EXOC4: variants seen among roughly 807,000 people sequenced by gnomAD.
EXOC4 encodes the protein SEC8-like 1.
EXOC4 carries 71 observed loss-of-function variants against 107.2 expected under a neutral mutation model. The observed-to-expected ratio is 0.66, with a 90% confidence interval of 0.55 to 0.81. The LOEUF is 0.81. Ranked by LOEUF, EXOC4 falls within the 30% of genes least tolerant of loss-of-function variation. The pLI is 0.00. For missense variants in EXOC4, 1,108 were observed against 1,189.6 expected (o/e 0.93, Z 1.01); for synonymous variants, 456 against 441.2 (o/e 1.03, Z -0.42).
At chr7:133,707,640 G>T (rs1276797265) in intron 10 of EXOC4, among the ~76,000 whole-genome samples, 17 of 151,420 alleles carry the variant, frequency 1.1e-4, no homozygotes, top group Admixed American at 6.6e-4. Context: ...TTTTGAGATG[G>T]AGCCTCACTC....
intron 5 of EXOC4, among the ~76,000 whole-genome samples, chr7:133,339,606 T>G (rs759328007): frequency 6.6e-6 from 1 of 152,196 alleles, no homozygotes; most frequent in Non-Finnish European, 1.5e-5. Context: ...TGCCATATGG[T>G]CATTTTCACA....
At chr7:133,407,606 G>A (rs1797252265) in intron 7 of EXOC4, among the ~76,000 whole-genome samples, 1 of 151,998 alleles carries the variant, frequency 6.6e-6, no homozygotes, top group African/African-American at 2.4e-5. Flanking sequence ...AGCAACCTTG[G>A]GTAAGATAAG....
intron 11 of EXOC4, among the ~76,000 whole-genome samples, chr7:133,860,661 C>T (rs999452856): frequency 2.6e-5 from 4 of 152,194 alleles, no homozygotes; most frequent in African/African-American, 9.7e-5. Context: ...AGCCAACACA[C>T]ACAAAACTGC....
intron 11 of EXOC4, among the ~76,000 whole-genome samples, chr7:133,845,762 T>C (rs934348879): frequency 6.6e-6 from 1 of 152,180 alleles, no homozygotes; most frequent in Non-Finnish European, 1.5e-5. Flanking sequence ...CTTTGCTTAC[T>C]TTCACAGATT....
intron 5 of EXOC4, among the ~76,000 whole-genome samples, chr7:133,328,036 G>A (rs757889207): frequency 8.5e-5 from 13 of 152,120 alleles, no homozygotes; most frequent in Non-Finnish European, 1.8e-4. Context: ...TTACAGTGGG[G>A]TGTTAAAAAG....
intron 11 of EXOC4, among the ~76,000 whole-genome samples, chr7:133,834,542 C>T (rs931385336): frequency 5.9e-5 from 9 of 152,306 alleles, no homozygotes; most frequent in East Asian, 3.9e-4. Context: ...CACCCCTCTG[C>T]GCAGAAGTAA....
chr7:134,076,703 TTG>T, the EXOC4 span, among the ~76,000 whole-genome samples: 6 of 102,402 alleles, frequency 5.9e-5, no homozygotes, highest in African/African-American at 1.7e-4. Context: ...TCATCTATAA[TTG>T]TATATATATA....
chr7:133,748,804 C>T (rs1795730379), intron 10 of EXOC4, among the ~76,000 whole-genome samples: 2 of 152,146 alleles, frequency 1.3e-5, no homozygotes. Context: ...TAGCATAAAC[C>T]AAAATTTCAG....
At chr7:133,620,690 A>G (rs2151005595) in intron 9 of EXOC4, among the ~76,000 whole-genome samples, 1 of 152,268 alleles carries the variant, frequency 6.6e-6, no homozygotes, top group African/African-American at 2.4e-5. Context: ...ATGCTTAGTG[A>G]AAAAAGAATG....
intron 13 of EXOC4, among the ~76,000 whole-genome samples, chr7:133,922,470 T>G (rs1007642726): frequency 6.6e-6 from 1 of 152,188 alleles, no homozygotes; most frequent in African/African-American, 2.4e-5. Context: ...TGAGCAAGAT[T>G]CATCCATATT....
At chr7:133,846,532 A>G (rs1320755350) in intron 11 of EXOC4, among the ~76,000 whole-genome samples, 1 of 152,118 alleles carries the variant, frequency 6.6e-6, no homozygotes, top group East Asian at 1.9e-4. Flanking sequence ...TCAGATATAC[A>G]TTGTTCTTTA....
At chr7:134,004,700 A>G (rs982456988) in intron 15 of EXOC4, among the ~76,000 whole-genome samples, 2 of 152,184 alleles carry the variant, frequency 1.3e-5, no homozygotes, top group African/African-American at 4.8e-5. Context: ...GAGGGTGTTT[A>G]CATTAAAATG....
chr7:133,638,474 A>T (rs570151552), intron 10 of EXOC4, among the ~76,000 whole-genome samples: 2 of 152,240 alleles, frequency 1.3e-5, no homozygotes, highest in South Asian at 4.1e-4. Context: ...GCTGATGATT[A>T]TCATTGGCAG....
chr7:133,322,884 A>C (rs1296683813), intron 5 of EXOC4, among the ~76,000 whole-genome samples: 3 of 152,130 alleles, frequency 2.0e-5, no homozygotes, highest in South Asian at 2.1e-4. Flanking sequence ...GTCCTCTCTT[A>C]TTTCCTTGAG....
chr7:133,380,525 C>T (rs1352351556), intron 7 of EXOC4, among the ~76,000 whole-genome samples: 1 of 152,092 alleles, frequency 6.6e-6, no homozygotes, highest in Non-Finnish European at 1.5e-5. Context: ...TATCCCACTC[C>T]CTTTACCTCT....
intron 12 of EXOC4, among the ~76,000 whole-genome samples, chr7:133,898,575 C>G (rs1053830354): frequency 4.7e-5 from 7 of 149,190 alleles, no homozygotes; most frequent in African/African-American, 1.5e-4. Context: ...GAAACCCCGT[C>G]TCTACTAAAA....
the EXOC4 span, among the ~76,000 whole-genome samples, chr7:134,088,959 C>A: frequency 6.6e-6 from 1 of 152,228 alleles, no homozygotes; most frequent in South Asian, 2.1e-4. Flanking sequence ...AAACCCAATT[C>A]TTAATAAAAC....
intron 9 of EXOC4, among the ~76,000 whole-genome samples, chr7:133,508,923 C>T (rs956122375): frequency 7.2e-5 from 11 of 152,112 alleles, no homozygotes; most frequent in Admixed American, 2.0e-4. Flanking sequence ...TTTTGTTGTA[C>T]GTTACTGTTG....
chr7:134,096,761 GTTC>G, the EXOC4 span, among the ~76,000 whole-genome samples: 1 of 152,120 alleles, frequency 6.6e-6, no homozygotes, highest in Non-Finnish European at 1.5e-5. Context: ...GTGCTCCCAC[GTTC>G]TTCTGCCTGC....
Sources: allele counts gnomAD v4.1 joint callset (sites outside exome capture counted in the v4.1 genomes callset), GRCh38; gene constraint gnomAD v4.1.1; transcripts MANE v1.5; gene names NCBI Gene and HGNC (gene_info 2026-07-23, HGNC 2026-07-21).